Variants in TRPM3 observed in about 807,000 individuals in gnomAD.
TRPM3 encodes the protein long transient receptor potential channel 3.
Under a neutral mutation model 181.2 loss-of-function variants are expected in TRPM3, and 77 were observed. The ratio of observed to expected loss-of-function variants is 0.42; its 90% CI spans 0.35 to 0.51. The LOEUF (loss-of-function observed/expected upper bound fraction) is 0.51, where lower values mean the gene tolerates loss of function less well. Ranked by LOEUF, TRPM3 falls within the 20% of genes least tolerant of loss-of-function variation. The pLI is 0.01. For missense variants in TRPM3, 1,759 were observed against 2,196.7 expected, an observed-to-expected ratio of 0.80 and a Z score of 3.98; for synonymous variants, 745 against 796.4, an observed-to-expected ratio of 0.94 and a Z score of 1.09.
intron 1 of TRPM3, among the ~76,000 whole-genome samples, chr9:70,908,720 T>C (rs987799590): frequency 6.6e-6 from 1 of 152,162 alleles, no homozygotes; most frequent in Admixed American, 6.5e-5. Flanking sequence ...CTCACACATA[T>C]GAACAGTTAT....
At chr9:71,108,284 C>T (rs868403236) in intron 1 of TRPM3, among the ~76,000 whole-genome samples, 5 of 152,118 alleles carry the variant, frequency 3.3e-5, no homozygotes, top group African/African-American at 1.2e-4. Context: ...AGTTTTAGAT[C>T]GCTTGCCATG....
intron 1 of TRPM3, among the ~76,000 whole-genome samples, chr9:71,365,079 A>C (rs140093245): frequency 0.012 from 1,837 of 152,302 alleles, 20 homozygotes; most frequent in Middle Eastern, 0.061. Flanking sequence ...ACAAGGAAAT[A>C]AGCTAACTGA....
intron 1 of TRPM3, among the ~76,000 whole-genome samples, chr9:71,126,954 T>C (rs2134432259): frequency 6.6e-6 from 1 of 152,216 alleles, no homozygotes; most frequent in Non-Finnish European, 1.5e-5. Context: ...CAGAGCATAG[T>C]TTTCCAAATG....
intron 1 of TRPM3, among the ~76,000 whole-genome samples, chr9:71,165,144 AC>A (rs1284231744): frequency 6.6e-6 from 1 of 152,066 alleles, no homozygotes; most frequent in East Asian, 1.9e-4. Context: ...TCTCAGCTTC[AC>A]CTCTTATCAG....
intron 1 of TRPM3, among the ~76,000 whole-genome samples, chr9:70,977,025 T>C (rs1296967125): frequency 2.0e-5 from 3 of 152,188 alleles, no homozygotes; most frequent in Non-Finnish European, 2.9e-5. Flanking sequence ...CAGCAGAACT[T>C]TATGAAGGGT....
chr9:71,130,248 A>C (rs762440356), intron 1 of TRPM3, among the ~76,000 whole-genome samples: 1 of 152,202 alleles, frequency 6.6e-6, no homozygotes, highest in African/African-American at 2.4e-5. Context: ...GTATACATAA[A>C]AAGTAAAATG....
At chr9:70,560,959 TAA>T (rs36025572) in intron 22 of TRPM3, among the ~76,000 whole-genome samples, 1 of 152,194 alleles carries the variant, frequency 6.6e-6, no homozygotes, top group Non-Finnish European at 1.5e-5. Context: ...ATCTTGTCCC[TAA>T]AAAGTCAGAG....
Position 70,846,370 on chromosome 9 carries a change from G to T in TRPM3, c.676+8C>A. The T allele has an allele frequency of 2.5e-6, 4 of 1,611,586 alleles. No individual in the cohort carries two copies. The highest frequency in any genetic ancestry group is 1.7e-6 in the Non-Finnish European group (2 of 1,177,766). ...TATGTTGACTTTCTCTGTTCCACTT[G>T]CAATTACCTGTGTTAACCCCTCCAG... is the stretch of plus-strand genomic sequence containing the variant. On this transcript the variant is annotated splice_region_variant and intron_variant, in intron 4 of 25. Transcript: ENST00000677713.
intron 1 of TRPM3, among the ~76,000 whole-genome samples, chr9:71,188,697 C>T (rs557744579): frequency 6.6e-6 from 1 of 151,986 alleles, no homozygotes; most frequent in Non-Finnish European, 1.5e-5. Context: ...ACACTCAAGT[C>T]TACCATGATC....
At chr9:70,607,379 A>T (rs920855852) in intron 19 of TRPM3, among the ~76,000 whole-genome samples, 3 of 152,222 alleles carry the variant, frequency 2.0e-5, no homozygotes, top group African/African-American at 7.2e-5. Flanking sequence ...CCTTATTTCC[A>T]GTCACTTCCT....
At chr9:70,666,297 C>T (rs117530486) in intron 9 of TRPM3, among the ~76,000 whole-genome samples, 8 of 152,336 alleles carry the variant, frequency 5.3e-5, no homozygotes, top group East Asian at 1.9e-4. Context: ...CCCTTCTTCA[C>T]GATCCAGGGA....
At chr9:70,980,491 A>C (rs1024971851) in intron 1 of TRPM3, among the ~76,000 whole-genome samples, 2 of 152,102 alleles carry the variant, frequency 1.3e-5, no homozygotes, top group Non-Finnish European at 2.9e-5. Flanking sequence ...TAAGCTAATC[A>C]GTGTTGTCTG....
Position 70,620,131 on chromosome 9 carries a change from C to A in TRPM3, c.2074G>T (p.Ala692Ser). The A allele has an allele frequency of 1.9e-6, 3 of 1,613,960 alleles. No individual in the cohort carries two copies. Among genetic ancestry groups the A allele is most frequent in the Non-Finnish European group, 2.5e-6 (3 of 1,179,834 alleles). ...TCGTCAACCATGTCGTTCTCAGAGG[C>A]CTCATGAGCCATGGCTTTGCAGAGC... ...CKLCKAMAHE[A>S]SENDMVDDIS... The change falls in exon 16 of 26, where the codon GCC becomes TCC. Residue 692 changes from alanine (A) to serine (S), a missense_variant. This residue lies in a region of TRPM3 where 737 missense variants were observed against 957.4 expected (regional missense o/e 0.77). Coordinates refer to ENST00000677713, the MANE Select transcript of TRPM3 (RefSeq NM_001366145.2).
chr9:71,141,851 A>C (rs867229020), intron 1 of TRPM3, among the ~76,000 whole-genome samples: 7 of 152,168 alleles, frequency 4.6e-5, no homozygotes, highest in Non-Finnish European at 1.0e-4. Flanking sequence ...ATTTCCTATG[A>C]AATGGAATTT....
intron 1 of TRPM3, among the ~76,000 whole-genome samples, chr9:70,883,607 C>G (rs189331282): frequency 1.4e-4 from 22 of 152,276 alleles, no homozygotes; most frequent in Non-Finnish European, 2.2e-4. Context: ...ATTTCTCCTC[C>G]TCGAAGTGAC....
intron 1 of TRPM3, among the ~76,000 whole-genome samples, chr9:71,253,900 G>A (rs1226592560): frequency 3.9e-5 from 6 of 152,164 alleles, no homozygotes; most frequent in Non-Finnish European, 7.3e-5. Context: ...TGTCATTTGT[G>A]ACAACACATA....
At chr9:71,158,399 T>C (rs1265768483) in intron 1 of TRPM3, among the ~76,000 whole-genome samples, 3 of 152,186 alleles carry the variant, frequency 2.0e-5, no homozygotes, top group African/African-American at 4.8e-5. Flanking sequence ...TTTACTGTCA[T>C]ATCCAGTAAG....
chr9:71,093,601 G>T (rs1442398282), intron 1 of TRPM3, among the ~76,000 whole-genome samples: 1 of 152,196 alleles, frequency 6.6e-6, no homozygotes, highest in Admixed American at 6.5e-5. Flanking sequence ...ATGCTGGAAA[G>T]GATGTGGAGA....
intron 1 of TRPM3, among the ~76,000 whole-genome samples, chr9:70,976,755 A>C (rs977901809): frequency 6.6e-6 from 1 of 152,206 alleles, no homozygotes; most frequent in Admixed American, 6.5e-5. Flanking sequence ...AATGTGCAAA[A>C]TAATAGTCCC....
Sources: allele counts gnomAD v4.1 joint callset (sites outside exome capture counted in the v4.1 genomes callset), GRCh38; gene constraint gnomAD v4.1.1; regional missense constraint gnomAD v4.1.1; transcripts MANE v1.5; gene names NCBI Gene and HGNC (gene_info 2026-07-23, HGNC 2026-07-21).